The following DGUOK variants were observed in gnomAD, a reference collection of about 807,000 sequenced individuals.
DGUOK encodes the protein deoxyguanosine kinase, also known as deoxyguanosine kinase, mitochondrial.
In DGUOK, 30 loss-of-function variants were observed where a neutral mutation model predicts 36.6. The ratio of observed to expected loss-of-function variants is 0.82; its 90% confidence interval spans 0.61 to 1.11. The LOEUF (loss-of-function observed/expected upper bound fraction) is 1.11. Ranked by LOEUF, DGUOK falls within the 50% of genes most tolerant of loss-of-function variation. The pLI is 0.00. For missense variants in DGUOK, 361 were observed against 336.4 expected, an observed-to-expected ratio of 1.07 and a Z score of -0.57; for synonymous variants, 145 against 126.3, an observed-to-expected ratio of 1.15 and a Z score of -0.99.
At chr2:73,948,767 C>T (rs1344963220) in intron 3 of DGUOK, among the ~76,000 whole-genome samples, 1 of 152,158 alleles carries the variant, frequency 6.6e-6, no homozygotes, top group African/African-American at 2.4e-5. Flanking sequence ...GATCCTTATG[C>T]CCTGTTCTGT....
rs138369307 is a variant in DGUOK, at chr2:73,929,908, G to GT, written c.142+2859dup. Among the ~76,000 whole-genome samples the GT allele has an allele frequency of 6.0e-3, 908 of 152,172 alleles. 9 individuals are homozygous for GT. Among genetic ancestry groups the GT allele is most frequent in the African/African-American group, 0.02 (849 of 41,520 alleles). ...GCTGAAATTAGAAGAGGGTGTGAGT[G>GT]TTTAACATTTTTAATTTTCTTTTTG... On this transcript the variant is annotated intron_variant, in intron 1 of 6. Coordinates refer to ENST00000264093, the MANE Select transcript of DGUOK (RefSeq NM_080916.3).
At chr2:73,946,934 C>A in intron 3 of DGUOK, 28 bp downstream of exon 3, 2 of 1,590,574 alleles carry the variant, frequency 1.3e-6, no homozygotes, top group Non-Finnish European at 1.7e-6. Flanking sequence ...CCACCAGTCA[C>A]AAGCCCCATG....
Position 73,950,565 on chromosome 2 carries a change from C to G in DGUOK, c.444-20C>G. On this transcript the variant is annotated intron_variant, in intron 3 of 6. Coordinates refer to ENST00000264093, the MANE Select transcript of DGUOK (RefSeq NM_080916.3). ...TTCCCATTCTCCTGCCCTCCCCATT[C>G]CCATCCCACTTCCAACCAGGTATAT... 6.2e-7 allele frequency: 1 copy of G among 1,613,996 alleles called. No individual in the cohort carries two copies.
chr2:73,943,367 G>A (rs111265275), intron 2 of DGUOK, among the ~76,000 whole-genome samples: 155 of 140,672 alleles, frequency 1.1e-3, no homozygotes, highest in Non-Finnish European at 2.0e-3. Flanking sequence ...TCACTTTGCT[G>A]CCCAGGCTGG....
chr2:73,956,756 G>A lies in DGUOK; in HGVS notation c.592-369G>A, dbSNP rs935963674. Among the ~76,000 whole-genome samples, 6 of 152,182 alleles carry A rather than the reference G, an allele frequency of 3.9e-5. No homozygotes were observed. In the South Asian group the frequency reaches 1.0e-3, roughly 26 times the overall value. On this transcript the variant is annotated intron_variant, in intron 4 of 6. Coordinates refer to ENST00000264093, the MANE Select transcript of DGUOK (RefSeq NM_080916.3). Reference sequence around the variant, plus strand: ...TAAGAAGTAAAGAGGACCCGACCAGGGCAGAGGTGAGAGGAGAGGCAAGGA... The same window carrying A: ...TAAGAAGTAAAGAGGACCCGACCAGAGCAGAGGTGAGAGGAGAGGCAAGGA...
At chr2:73,929,561 G>T (rs1333536430) in intron 1 of DGUOK, among the ~76,000 whole-genome samples, 1 of 152,158 alleles carries the variant, frequency 6.6e-6, no homozygotes, top group Non-Finnish European at 1.5e-5. Context: ...AAAGGACTGA[G>T]CCCTGAGCAT....
chr2:73,933,091 TTAAACA>T (rs1218988267), intron 1 of DGUOK, among the ~76,000 whole-genome samples: 7 of 152,260 alleles, frequency 4.6e-5, no homozygotes, highest in African/African-American at 9.6e-5. Flanking sequence ...ATCAAGAAAC[TTAAACA>T]TAAAGCAGTA....
intron 5 of DGUOK, 54 bp downstream of exon 5, chr2:73,957,294 A>C: frequency 7.1e-7 from 1 of 1,403,426 alleles, no homozygotes; most frequent in South Asian, 1.2e-5. Context: ...CCCAACAGCC[A>C]GTTGTTAAAA....
intron 4 of DGUOK, among the ~76,000 whole-genome samples, chr2:73,956,108 T>G (rs140308219): frequency 1.8e-4 from 28 of 152,136 alleles, no homozygotes; most frequent in African/African-American, 6.7e-4. Flanking sequence ...AGTTGAGAAG[T>G]AGGAGGGGTA....
Position 73,955,009 on chromosome 2 carries a change from T to C in DGUOK, c.592-2116T>C, listed in dbSNP as rs555587344. On this transcript the variant is annotated intron_variant, in intron 4 of 6. Transcript: ENST00000264093. Reference sequence around the variant, plus strand: ...CAAGAGTTATGCCAAATGCTCATAGTAGGAGTTTACTTCGACCTCTTTTTT... The same window carrying C: ...CAAGAGTTATGCCAAATGCTCATAGCAGGAGTTTACTTCGACCTCTTTTTT... Among the ~76,000 whole-genome samples the C allele has an allele frequency of 6.6e-5, 10 of 152,332 alleles. No individual in the cohort carries two copies. In the South Asian group the frequency reaches 1.9e-3, roughly 28 times the overall value.
At chr2:73,941,253 C>T (rs1346466033) in intron 2 of DGUOK, among the ~76,000 whole-genome samples, 1 of 152,174 alleles carries the variant, frequency 6.6e-6, no homozygotes, top group Non-Finnish European at 1.5e-5. Context: ...CAACTGTAGC[C>T]TCAGCCAACA....
intron 2 of DGUOK, among the ~76,000 whole-genome samples, chr2:73,939,474 A>G (rs910336081): frequency 2.6e-5 from 4 of 152,272 alleles, no homozygotes; most frequent in African/African-American, 9.6e-5. Context: ...GCTAACATTT[A>G]TGAGCATGTA....
intron 1 of DGUOK, among the ~76,000 whole-genome samples, chr2:73,938,202 C>T (rs1401585634): frequency 6.6e-6 from 1 of 152,192 alleles, no homozygotes; most frequent in African/African-American, 2.4e-5. Context: ...TTCTCTCTTT[C>T]AGGTCTTTGC....
At chr2:73,934,032 A>G (rs1292195379) in intron 1 of DGUOK, among the ~76,000 whole-genome samples, 4 of 152,154 alleles carry the variant, frequency 2.6e-5, no homozygotes, top group Admixed American at 2.0e-4. Context: ...CATCTTGTTC[A>G]GGAGATGAAA....
chr2:73,953,719 C>CTTTTTTTTTTTT (rs386390474), intron 4 of DGUOK, among the ~76,000 whole-genome samples: 1 of 95,786 alleles, frequency 1.0e-5, no homozygotes, highest in Non-Finnish European at 2.0e-5. Flanking sequence ...TCCCTAACTT[C>CTTTTTTTTTTTT]TTTTTTTTTT....
intron 3 of DGUOK, 76 bp from the exon 4 acceptor site, chr2:73,950,509 T>TTC (rs140339626): frequency 3.6e-5 from 53 of 1,478,684 alleles, no homozygotes; most frequent in East Asian, 9.1e-5. Context: ...ATTTTTCTGC[T>TTC]TCTCTCTCTC....
chr2:73,952,188 A>C (rs184657341), intron 4 of DGUOK, among the ~76,000 whole-genome samples: 1 of 152,302 alleles, frequency 6.6e-6, no homozygotes, highest in African/African-American at 2.4e-5. Context: ...ATAAAACTGA[A>C]CTAAAGATTC....
intron 3 of DGUOK, among the ~76,000 whole-genome samples, chr2:73,949,316 A>G (rs1682550139): frequency 6.6e-6 from 1 of 152,232 alleles, no homozygotes; most frequent in Non-Finnish European, 1.5e-5. Context: ...TTTTGAGTTT[A>G]AAATGTTACC....
At chr2:73,928,514 G>A (rs7557705) in intron 1 of DGUOK, among the ~76,000 whole-genome samples, 3 of 152,190 alleles carry the variant, frequency 2.0e-5, no homozygotes, top group Admixed American at 6.5e-5. Context: ...AGCAAATCAC[G>A]TGGATACCTG....
Sources: allele counts gnomAD v4.1 joint callset (sites outside exome capture counted in the v4.1 genomes callset), GRCh38; gene constraint gnomAD v4.1.1; transcripts MANE v1.5; gene names NCBI Gene and HGNC (gene_info 2026-07-23, HGNC 2026-07-21).